Variants in DLEC1 observed in about 807,000 individuals in gnomAD.
DLEC1 encodes the protein DLEC1 cilia and flagella associated protein.
In DLEC1, 146 loss-of-function variants were observed where a neutral mutation model predicts 198.1. The ratio of observed to expected loss-of-function variants is 0.74; its 90% CI spans 0.64 to 0.85. The LOEUF (loss-of-function observed/expected upper bound fraction) is 0.85. DLEC1 is among the 40% of genes least tolerant of loss of function. The pLI is 0.00. For missense variants in DLEC1, 2,233 were observed against 2,220.0 expected, an observed-to-expected ratio of 1.01 and a Z score of -0.12; for synonymous variants, 897 against 866.8, an observed-to-expected ratio of 1.03 and a Z score of -0.61.
rs1459034936 is a variant in DLEC1 at position 38,114,393 on chromosome 3, T to G, written c.3718T>G (p.Cys1240Gly). ...CCCAGTGCACATGGCAGCGGTGGGC[T>G]GCCCCATCAGCTCCCTGAGGACCAC... is the stretch of plus-strand genomic sequence containing the variant. ...VIPVHMAAVG[C>G]PISSLRTTSY... Residue 1240 changes from cysteine to glycine, a missense_variant, in exon 26 of 37, where the codon TGC becomes GGC. Coordinates refer to ENST00000308059, the MANE Select transcript of DLEC1 (RefSeq NM_007335.4). The G allele has an allele frequency of 6.2e-7, 1 of 1,614,186 alleles. No homozygotes were observed. The highest frequency in any genetic ancestry group is 1.1e-5 in the South Asian group (1 of 91,086).
Position 38,045,534 on chromosome 3 carries a change from C to A in DLEC1, c.412-9C>A. ...CATATTTCTGTGCATTTGATCATCC[C>A]CCTGCCAGATTCGGGAGCTCTATAA... On this transcript the variant is annotated splice_polypyrimidine_tract_variant and intron_variant, in intron 1 of 36. Coordinates refer to ENST00000308059, the MANE Select transcript of DLEC1 (RefSeq NM_007335.4). 1 of 1,610,786 alleles carries A rather than the reference C, an allele frequency of 6.2e-7. No homozygotes were observed. Among genetic ancestry groups the A allele is most frequent in the Non-Finnish European group, 8.5e-7 (1 of 1,178,614 alleles).
At chr3:38,040,561 C>T (rs986691947) in intron 1 of DLEC1, among the ~76,000 whole-genome samples, 1 of 152,202 alleles carries the variant, frequency 6.6e-6, no homozygotes, top group Non-Finnish European at 1.5e-5. Flanking sequence ...AGCCAGAGCC[C>T]CTGGCTGGGA....
chr3:38,103,279 G>A (rs1334634286), intron 19 of DLEC1: 1 of 152,268 alleles, frequency 6.6e-6, no homozygotes, highest in African/African-American at 2.4e-5. Flanking sequence ...TCCATGTGTT[G>A]CTCTGAGCTC....
chr3:38,054,589 T>C (rs1172386794), intron 2 of DLEC1, among the ~76,000 whole-genome samples: 2 of 152,202 alleles, frequency 1.3e-5, no homozygotes, highest in Non-Finnish European at 2.9e-5. Context: ...AACTCACTGC[T>C]TTTTCAGTGG....
At chr3:38,091,470 CAAAACAAACAAATGAACAAACAAA>C (rs1698742717) in intron 10 of DLEC1, among the ~76,000 whole-genome samples, 1 of 151,780 alleles carries the variant, frequency 6.6e-6, no homozygotes, top group African/African-American at 2.4e-5. Context: ...TCTCAAAAAG[CAAAACAAACAAATGAACAAACAAA>C]AAAACAAACA....
intron 11 of DLEC1, 63 bp from the exon 12 acceptor site, chr3:38,093,542 C>T (rs1227824819): frequency 5.0e-6 from 8 of 1,594,026 alleles, no homozygotes; most frequent in Non-Finnish European, 6.9e-6. Context: ...GGTCCTGCAG[C>T]AGCCTTGGCC....
chr3:38,039,325 A>T lies in DLEC1; in HGVS notation c.100A>T (p.Ser34Cys), dbSNP rs1482268137. Residue 34 changes from serine to cysteine, a missense_variant, in exon 1 of 37, where the codon AGC becomes TGC. Coordinates refer to ENST00000308059, the MANE Select transcript of DLEC1 (RefSeq NM_007335.4). ...WAPTSPPAGS[S>C]SPSQPTWKSS... ...GCCAACTTCGCCACCAGCCGGGTCCAGCAGCCCCAGCCAGCCCACCTGGAA... is the reference window on the plus strand; with the variant it reads ...GCCAACTTCGCCACCAGCCGGGTCCTGCAGCCCCAGCCAGCCCACCTGGAA... 1 of 1,614,214 alleles carries T rather than the reference A, an allele frequency of 6.2e-7. No homozygotes were observed.
intron 22 of DLEC1, chr3:38,109,799 C>G (rs146270053): frequency 1.3e-6 from 1 of 748,568 alleles, no homozygotes; most frequent in Non-Finnish European, 2.1e-6. Flanking sequence ...CCCTGGCAGG[C>G]AGGAGATGGC....
chr3:38,087,108 T>G (rs1216275790), intron 9 of DLEC1, among the ~76,000 whole-genome samples: 7 of 151,216 alleles, frequency 4.6e-5, no homozygotes, highest in Non-Finnish European at 1.0e-4. Context: ...TTATATAAAG[T>G]TCTACATTTC....
chr3:38,123,134 A>AAACTT lies in DLEC1; in HGVS notation c.*725_*729dup, dbSNP rs575721688. The AAACTT allele has an allele frequency of 5.2e-4, 841 of 1,614,102 alleles. 13 individuals are homozygous for AAACTT. In the East Asian group the frequency reaches 0.014, roughly 27 times the overall value. On this transcript the variant is annotated 3_prime_UTR_variant, in exon 37 of 37. Transcript: ENST00000308059. ...CCACTCCGTATGCCCTGTGAAAACA[A>AAACTT]AACTTAATTGGCTGGGCAAAGGCAC...
chr3:38,044,422 G>A (rs1459665213), intron 1 of DLEC1, among the ~76,000 whole-genome samples: 1 of 151,928 alleles, frequency 6.6e-6, no homozygotes, highest in South Asian at 2.1e-4. Context: ...AATTAGCTGG[G>A]CATCATGGCG....
chr3:38,114,281 C>T (rs568123441), intron 25 of DLEC1, 61 bp from the exon 26 acceptor site: 97 of 1,559,442 alleles, frequency 6.2e-5, no homozygotes, highest in Non-Finnish European at 8.1e-5. Flanking sequence ...GAGGCCTTGC[C>T]CAGAGGGGAT....
At chr3:38,118,220 A>T (rs1700286447) in intron 33 of DLEC1, among the ~76,000 whole-genome samples, 196 bp downstream of exon 33, 1 of 152,224 alleles carries the variant, frequency 6.6e-6, no homozygotes, top group African/African-American at 2.4e-5. Context: ...CAAGTGGCTC[A>T]CATGGGCATG....
Position 38,112,756 on chromosome 3 carries a change from C to T in DLEC1, c.3666+395C>T, listed in dbSNP as rs192619220. Among the ~76,000 whole-genome samples the T allele has an allele frequency of 2.0e-5, 3 of 152,236 alleles. No homozygotes were observed. The highest frequency in any genetic ancestry group is 2.0e-4 in the Admixed American group (3 of 15,300). ...TTGCCCCGCCCTTGGTGGGGCTCAC[C>T]CAGGGGTCCATTTAATTGCTCCAGC... On this transcript the variant is annotated intron_variant, in intron 25 of 36. Coordinates refer to ENST00000308059, the MANE Select transcript of DLEC1 (RefSeq NM_007335.4). This position sits in a 1 kb window ranked among gnomAD's most constrained non-coding sequence, Gnocchi z 4.8.
chr3:38,055,422 T>C (rs765790870), intron 2 of DLEC1, among the ~76,000 whole-genome samples: 7 of 152,204 alleles, frequency 4.6e-5, no homozygotes, highest in Non-Finnish European at 1.0e-4. Context: ...GAGTAGACTT[T>C]ATAGCAGCCA....
chr3:38,095,991 T>C, intron 14 of DLEC1, 45 bp downstream of exon 14: 3 of 1,607,240 alleles, frequency 1.9e-6, no homozygotes, highest in African/African-American at 1.3e-5. Flanking sequence ...AGCTGGGCCT[T>C]CCCCCACCTT....
chr3:38,055,794 C>T (rs146865286), intron 2 of DLEC1, among the ~76,000 whole-genome samples: 24 of 152,248 alleles, frequency 1.6e-4, no homozygotes, highest in African/African-American at 5.8e-4. Context: ...TTAGAGCCCT[C>T]ACCAACACCA....
chr3:38,053,442 AC>A (rs1701239870), intron 2 of DLEC1, among the ~76,000 whole-genome samples: 1 of 138,064 alleles, frequency 7.2e-6, no homozygotes, highest in Non-Finnish European at 1.6e-5. Flanking sequence ...CCCGGCCGCG[AC>A]CCCGTCTGGG....
rs1182731603 is a variant in DLEC1, at chr3:38,112,237, G to A, written c.3542G>A (p.Gly1181Glu). 1.2e-6 allele frequency: 2 copies of A among 1,614,062 alleles called. No homozygotes were observed. The highest frequency in any genetic ancestry group is 1.7e-6 in the Non-Finnish European group (2 of 1,180,036). Residue 1181 changes from glycine to glutamate, a missense_variant, in exon 25 of 37, where the codon GGG becomes GAG. Transcript: ENST00000308059. This position sits in a 1 kb window ranked among gnomAD's most constrained non-coding sequence, Gnocchi z 4.8. ...TTTATGGAGAGCATGCTATCCCACG[G>A]GAAAGGAGCTGCTTTCTTCCCTCAC... ...LDFMESMLSH[G>E]KGAAFFPHFS...
Sources: gnomAD v4.1 joint callset for allele counts (sites outside exome capture counted in the v4.1 genomes callset) on GRCh38, gnomAD v4.1.1 for gene constraint, Gnocchi (gnomAD v3.1) non-coding constraint, MANE v1.5 for transcripts, NCBI Gene and HGNC (gene_info 2026-07-23, HGNC 2026-07-21) for gene names.